DIS3L2: variants seen among roughly 807,000 people sequenced by gnomAD.
DIS3L2 encodes DIS3-like exonuclease 2.
In DIS3L2, 34 loss-of-function variants were observed where a neutral mutation model predicts 97.5. The ratio of observed to expected loss-of-function variants is 0.35; its 90% CI spans 0.27 to 0.46. DIS3L2 has a LOEUF of 0.46. Among genes scored for constraint, DIS3L2 ranks in the 20% least tolerant of loss-of-function variants. The pLI is 1.00. For missense variants in DIS3L2, 1,038 were observed against 1,146.0 expected (o/e 0.91, Z 1.36); for synonymous variants, 435 against 445.2 (o/e 0.98, Z 0.29).
At chr2:232,111,284 C>T in intron 6 of DIS3L2, 1 of 471,302 alleles carries the variant, frequency 2.1e-6, no homozygotes, top group Non-Finnish European at 4.4e-6. Flanking sequence ...AATACTTGTA[C>T]CTCTATTAGT....
intron 6 of DIS3L2, among the ~76,000 whole-genome samples, chr2:232,116,070 G>A (rs1267789696): frequency 6.6e-6 from 1 of 152,038 alleles, no homozygotes; most frequent in Non-Finnish European, 1.5e-5. Flanking sequence ...TACTCAGGAG[G>A]CTGAGACACA....
intron 1 of DIS3L2, among the ~76,000 whole-genome samples, chr2:231,998,591 T>TC (rs1426611421): frequency 6.6e-6 from 1 of 152,232 alleles, no homozygotes; most frequent in Non-Finnish European, 1.5e-5. Flanking sequence ...GCCAGATTTT[T>TC]CCACCCTCAA....
Position 232,336,773 on chromosome 2 carries a change from T to TCAA in DIS3L2, c.*145_*147dup, listed in dbSNP as rs1695970378. The TCAA allele has an allele frequency of 2.0e-6, 3 of 1,475,200 alleles. No individual in the cohort carries two copies. The highest frequency in any genetic ancestry group is 2.9e-5 in the African/African-American group (2 of 69,912). 91.4% of individuals were successfully genotyped at this position (1,475,200 alleles called of 1,614,324 possible). ...TTTATTTTTATTTAATTTTTGCAGC[T>TCAA]CAACTTTTAAACAAACTGCAGGGGA... On this transcript the variant is annotated 3_prime_UTR_variant, in exon 21 of 21. Transcript: ENST00000325385.
intron 12 of DIS3L2, among the ~76,000 whole-genome samples, chr2:232,252,460 C>A (rs1247686704): frequency 6.6e-6 from 1 of 152,138 alleles, no homozygotes; most frequent in Non-Finnish European, 1.5e-5. Context: ...TGGATCCTCT[C>A]GTGGGCTTCT....
chr2:232,103,939 G>A (rs1697282169), intron 6 of DIS3L2, among the ~76,000 whole-genome samples: 1 of 152,038 alleles, frequency 6.6e-6, no homozygotes, highest in South Asian at 2.1e-4. Context: ...GCTATATGAA[G>A]TATTTTCAGT....
intron 5 of DIS3L2, among the ~76,000 whole-genome samples, chr2:232,033,465 CT>C (rs1335168399): frequency 2.6e-5 from 4 of 152,186 alleles, no homozygotes; most frequent in Non-Finnish European, 5.9e-5. Flanking sequence ...CCCTTTATTT[CT>C]TTCACTTGCC....
chr2:232,316,332 C>T (rs1333207307), intron 14 of DIS3L2, among the ~76,000 whole-genome samples: 1 of 152,044 alleles, frequency 6.6e-6, no homozygotes, highest in African/African-American at 2.4e-5. Flanking sequence ...TTAATGGGGT[C>T]CCCTGTACTC....
At position 232,055,458 on chromosome 2, in the gene DIS3L2, C is replaced by T. The variant is rs149980922; in HGVS notation, c.366+25378C>T. Among the ~76,000 whole-genome samples the T allele has an allele frequency of 1.8e-3, 270 of 152,286 alleles. 2 individuals are homozygous for T. The Middle Eastern group carries it at 0.02, about 12-fold the overall frequency. On this transcript the variant is annotated intron_variant, in intron 5 of 20. Coordinates refer to ENST00000325385, the MANE Select transcript of DIS3L2 (RefSeq NM_152383.5). Reference sequence around the variant, plus strand: ...GTTTTCAAGACCTCAACATTGCAAACGACACAATGTTATCAAAAGATGCTA... The same window carrying T: ...GTTTTCAAGACCTCAACATTGCAAATGACACAATGTTATCAAAAGATGCTA...
At chr2:232,334,149 G>A (rs373757145) in intron 17 of DIS3L2, among the ~76,000 whole-genome samples, 162 bp downstream of exon 17, 2 of 152,162 alleles carry the variant, frequency 1.3e-5, no homozygotes, top group African/African-American at 2.4e-5. Context: ...CTCTCCCTAC[G>A]GGCCGGTGCT....
chr2:232,172,865 G>A (rs1691032765), intron 9 of DIS3L2: 4 of 471,110 alleles, frequency 8.5e-6, no homozygotes, highest in South Asian at 1.6e-5. Flanking sequence ...TTTCTGTCAT[G>A]ACTAATGAGA....
At chr2:232,075,087 C>T (rs1696145388) in intron 5 of DIS3L2, among the ~76,000 whole-genome samples, 2 of 152,200 alleles carry the variant, frequency 1.3e-5, no homozygotes, top group African/African-American at 4.8e-5. Flanking sequence ...GGGTGAGGTT[C>T]ACTCTGAATC....
chr2:232,142,719 C>A (rs3899700), intron 8 of DIS3L2, among the ~76,000 whole-genome samples: 5 of 152,140 alleles, frequency 3.3e-5, no homozygotes, highest in Non-Finnish European at 7.4e-5. Context: ...TGTCATAGTA[C>A]TGAGCCATAA....
intron 13 of DIS3L2, chr2:232,343,273 T>G (rs1696154342): frequency 1.5e-6 from 2 of 1,323,152 alleles, no homozygotes; most frequent in Non-Finnish European, 2.1e-6. Flanking sequence ...GGCTCACCTT[T>G]CACTGGAATT....
chr2:232,014,971 C>T lies in DIS3L2; in HGVS notation c.44C>T (p.Thr15Ile). The change falls in exon 2 of 21, where the codon ACC becomes ATC. Residue 15 changes from threonine (T) to isoleucine (I), a missense_variant. By Grantham distance (89) the Thr-to-Ile change is moderately conservative. Coordinates refer to ENST00000325385, the MANE Select transcript of DIS3L2 (RefSeq NM_152383.5). ...DYRMNLRPLG[T>I]PRGVSAVAGP... ...AGAATGAACCTCCGGCCCCTGGGGACCCCCAGAGGTAGTAAAAGGAAAATG... is the reference window on the plus strand; with the variant it reads ...AGAATGAACCTCCGGCCCCTGGGGATCCCCAGAGGTAGTAAAAGGAAAATG... 2 of 1,613,808 alleles carry T rather than the reference C, an allele frequency of 1.2e-6. No individual in the cohort carries two copies. Among genetic ancestry groups the T allele is most frequent in the Non-Finnish European group, 1.7e-6 (2 of 1,179,878 alleles).
intron 5 of DIS3L2, among the ~76,000 whole-genome samples, chr2:232,047,728 C>T (rs1248228586): frequency 1.3e-5 from 2 of 152,214 alleles, no homozygotes; most frequent in Non-Finnish European, 2.9e-5. Flanking sequence ...ACTCTCTGTT[C>T]CCCTTCTTCC....
intron 9 of DIS3L2, among the ~76,000 whole-genome samples, chr2:232,207,668 T>C (rs1004499716): frequency 2.2e-4 from 33 of 152,194 alleles, no homozygotes; most frequent in Non-Finnish European, 4.3e-4. Flanking sequence ...AATGCTCTCG[T>C]TCCCTCCACC....
intron 1 of DIS3L2, among the ~76,000 whole-genome samples, chr2:232,003,916 T>G (rs1363470428): frequency 6.6e-6 from 1 of 152,194 alleles, no homozygotes; most frequent in Non-Finnish European, 1.5e-5. Context: ...ATTATGATGA[T>G]ATAGATATAA....
intron 1 of DIS3L2, among the ~76,000 whole-genome samples, chr2:231,971,765 A>G (rs560068271): frequency 6.8e-4 from 100 of 147,744 alleles, no homozygotes; most frequent in African/African-American, 2.3e-3. Flanking sequence ...TATTTTTAGT[A>G]GAGACGGGGT....
chr2:232,101,364 T>C (rs759749700), intron 6 of DIS3L2, among the ~76,000 whole-genome samples: 18 of 151,386 alleles, frequency 1.2e-4, no homozygotes, highest in Admixed American at 2.0e-4. Flanking sequence ...TGTGTTGTTA[T>C]ATACATATGT....
Sources: allele counts gnomAD v4.1 joint callset (sites outside exome capture counted in the v4.1 genomes callset), GRCh38; gene constraint gnomAD v4.1.1; transcripts MANE v1.5; gene names NCBI Gene and HGNC (gene_info 2026-07-23, HGNC 2026-07-21).